The following KHDRBS2 variants were observed in gnomAD, a reference collection of about 807,000 sequenced individuals.
The protein encoded by KHDRBS2 is KH RNA binding domain containing, signal transduction associated 2.
Under a neutral mutation model 44.3 loss-of-function variants are expected in KHDRBS2, and 26 were observed. The observed-to-expected ratio is 0.59, with a 90% CI of 0.43 to 0.81. The LOEUF (loss-of-function observed/expected upper bound fraction) is 0.81. KHDRBS2 is among the 40% of genes least tolerant of loss of function. KHDRBS2 has a pLI of 0.00. For synonymous variants in KHDRBS2, 194 were observed against 151.1 expected (o/e 1.28, Z -2.08); for missense variants, 476 against 433.1 (o/e 1.10, Z -0.88).
chr6:62,033,825 T>C (rs146587484), intron 3 of KHDRBS2, among the ~76,000 whole-genome samples: 1 of 151,486 alleles, frequency 6.6e-6, no homozygotes, highest in Non-Finnish European at 1.5e-5. Flanking sequence ...GAAAATTATA[T>C]GAAATATCCA....
intron 6 of KHDRBS2, among the ~76,000 whole-genome samples, chr6:61,749,561 T>G (rs1777364106): frequency 6.6e-6 from 1 of 152,216 alleles, no homozygotes; most frequent in Admixed American, 6.5e-5. Context: ...TCTTTTCCTG[T>G]CCTGTTGTTT....
chr6:61,915,095 G>A (rs557859954), intron 4 of KHDRBS2, among the ~76,000 whole-genome samples: 1 of 151,038 alleles, frequency 6.6e-6, no homozygotes, highest in Non-Finnish European at 1.5e-5. Context: ...ATGGAAGCCA[G>A]GCTGGAAGAT....
chr6:62,059,165 GA>G, intron 2 of KHDRBS2, among the ~76,000 whole-genome samples: 1 of 82,970 alleles, frequency 1.2e-5, no homozygotes, highest in African/African-American at 4.3e-5. Context: ...TTCAAAGGAA[GA>G]AAAAATTATT....
intron 1 of KHDRBS2, among the ~76,000 whole-genome samples, chr6:62,246,539 T>G (rs1194729608): frequency 6.6e-6 from 1 of 152,068 alleles, no homozygotes; most frequent in Non-Finnish European, 1.5e-5. Context: ...TATCCTGCTT[T>G]GCAAAATAAA....
intron 6 of KHDRBS2, among the ~76,000 whole-genome samples, chr6:61,858,810 A>G (rs1796505577): frequency 6.6e-6 from 1 of 151,972 alleles, no homozygotes; most frequent in Non-Finnish European, 1.5e-5. Flanking sequence ...TGTAATATAT[A>G]ATAGCTAGTT....
At chr6:61,782,703 ATATATATATAT>A in intron 6 of KHDRBS2, among the ~76,000 whole-genome samples, 1 of 64,492 alleles carries the variant, frequency 1.6e-5, no homozygotes. Flanking sequence ...ATATATATAT[ATATATATATAT>A]ATATATATAT....
At chr6:61,836,576 C>A (rs989080017) in intron 6 of KHDRBS2, among the ~76,000 whole-genome samples, 2 of 151,974 alleles carry the variant, frequency 1.3e-5, no homozygotes, top group Non-Finnish European at 2.9e-5. Flanking sequence ...CCTTTGACTG[C>A]CTTGTGTTAT....
chr6:61,580,992 T>G, the KHDRBS2 span, among the ~76,000 whole-genome samples: 16 of 152,274 alleles, frequency 1.1e-4, no homozygotes, highest in South Asian at 1.2e-3. Flanking sequence ...GTACAAATAA[T>G]GAAACATAAT....
chr6:61,932,245 A>C (rs1206986812), intron 4 of KHDRBS2, among the ~76,000 whole-genome samples: 1 of 152,200 alleles, frequency 6.6e-6, no homozygotes, highest in East Asian at 1.9e-4. Flanking sequence ...AATCTAGCTA[A>C]TTAACAAATA....
At position 61,873,262 on chromosome 6, in the gene KHDRBS2, T is replaced by C. The variant is rs1798924108; in HGVS notation, c.810+21373A>G. Among the ~76,000 whole-genome samples, 2 of 151,902 alleles carry C rather than the reference T, an allele frequency of 1.3e-5. 1 individual carries two copies. The highest frequency in any genetic ancestry group is 4.1e-4 in the South Asian group (2 of 4,822). On this transcript the variant is annotated intron_variant, in intron 6 of 8. Coordinates refer to ENST00000281156, the MANE Select transcript of KHDRBS2 (RefSeq NM_152688.4). ...ATCAGTGGATGATTTTTTAAAAATATATAAATGGCAAATAGTATCCAGAAC... is the reference window on the plus strand; with the variant it reads ...ATCAGTGGATGATTTTTTAAAAATACATAAATGGCAAATAGTATCCAGAAC...
intron 6 of KHDRBS2, among the ~76,000 whole-genome samples, chr6:61,821,037 G>A (rs765730751): frequency 7.2e-5 from 11 of 152,010 alleles, no homozygotes; most frequent in Non-Finnish European, 1.6e-4. Flanking sequence ...GACTATGTAA[G>A]CTGAATGAAT....
chr6:62,280,546 C>T (rs1841654863), intron 1 of KHDRBS2, among the ~76,000 whole-genome samples: 1 of 152,058 alleles, frequency 6.6e-6, no homozygotes, highest in African/African-American at 2.4e-5. Context: ...TCATCAGTTT[C>T]AGGACAGTGA....
intron 2 of KHDRBS2, among the ~76,000 whole-genome samples, chr6:62,076,470 T>C (rs1358824428): frequency 6.6e-6 from 1 of 152,026 alleles, no homozygotes; most frequent in African/African-American, 2.4e-5. Flanking sequence ...ATTAAGTGGC[T>C]CTGTAAATTG....
chr6:61,683,658 T>A (rs376929842), intron 8 of KHDRBS2, among the ~76,000 whole-genome samples: 1 of 151,920 alleles, frequency 6.6e-6, no homozygotes, highest in Non-Finnish European at 1.5e-5. Flanking sequence ...AAAAGGGTTA[T>A]CTAAGTATCA....
chr6:62,099,885 T>TA (rs1438070269), intron 2 of KHDRBS2, among the ~76,000 whole-genome samples: 1 of 152,200 alleles, frequency 6.6e-6, no homozygotes, highest in African/African-American at 2.4e-5. Context: ...TAACACAATA[T>TA]ACATTCTACA....
chr6:62,177,645 T>G (rs1240675864), intron 1 of KHDRBS2, among the ~76,000 whole-genome samples: 1 of 151,380 alleles, frequency 6.6e-6, no homozygotes, highest in Admixed American at 6.6e-5. Context: ...TTAAACTATT[T>G]TAGCAAACTT....
intron 4 of KHDRBS2, among the ~76,000 whole-genome samples, chr6:61,938,357 G>A (rs1394572281): frequency 6.6e-6 from 1 of 152,144 alleles, no homozygotes; most frequent in Non-Finnish European, 1.5e-5. Flanking sequence ...GAGTTAGGAA[G>A]TGTTTCCAGT....
At chr6:61,781,666 T>A (rs1782950649) in intron 6 of KHDRBS2, among the ~76,000 whole-genome samples, 1 of 152,146 alleles carries the variant, frequency 6.6e-6, no homozygotes, top group African/African-American at 2.4e-5. Flanking sequence ...TGTGTAGTGG[T>A]CAAGTCAGGG....
chr6:61,683,102 A>G (rs1766475048), intron 8 of KHDRBS2, among the ~76,000 whole-genome samples: 1 of 151,884 alleles, frequency 6.6e-6, no homozygotes, highest in Non-Finnish European at 1.5e-5. Flanking sequence ...AGCTGAGACA[A>G]TAGAGGCTTC....
Sources: allele counts gnomAD v4.1 joint callset (sites outside exome capture counted in the v4.1 genomes callset), GRCh38; gene constraint gnomAD v4.1.1; transcripts MANE v1.5; gene names NCBI Gene and HGNC (gene_info 2026-07-23, HGNC 2026-07-21).